Variants in SLC35B3 observed in about 807,000 individuals in gnomAD.
The protein encoded by SLC35B3 is adenosine 3'-phospho 5'-phosphosulfate transporter 2.
Under a neutral mutation model 44.1 loss-of-function variants are expected in SLC35B3, and 35 were observed. That is an observed-to-expected ratio of 0.79 (90% CI 0.61 to 1.05). SLC35B3 has a LOEUF of 1.05. Ranked by LOEUF, SLC35B3 falls within the 50% of genes least tolerant of loss-of-function variation. The probability of loss-of-function intolerance (pLI) is 0.00; values close to 1 mark genes in which losing one functional copy is unlikely to be tolerated. For synonymous variants in SLC35B3, 146 were observed against 167.3 expected (o/e 0.87, Z 0.98); for missense variants, 414 against 476.4 (o/e 0.87, Z 1.22).
At position 8,413,678 on chromosome 6, in the gene SLC35B3, T is replaced by C. The variant is rs1561742478; in HGVS notation, c.1077A>G (p.Leu359=). 3 of 1,564,372 alleles carry C rather than the reference T, an allele frequency of 1.9e-6. No homozygotes were observed. The highest frequency in any genetic ancestry group is 2.6e-6 in the Non-Finnish European group (3 of 1,144,324). ...CATTAAGAAATATACCAAGGACAAC[T>C]AACAAACCAGACCATACATACCTAA... Residue 359 remains leucine (L), a synonymous_variant, in exon 11 of 11, where the codon TTA becomes TTG. Transcript: ENST00000644923.
rs1322805995 is a variant in SLC35B3 at position 8,433,561 on chromosome 6, A to G, written c.3+824T>C. ...ACCACTTCTAATACACTTCTTGGCA[A>G]CTTTATGTGCTGCAGATCTAGGCCA... is the stretch of plus-strand genomic sequence containing the variant. On this transcript the variant is annotated intron_variant, in intron 2 of 10. Transcript: ENST00000644923. This position sits in a 1 kb window ranked among gnomAD's most constrained non-coding sequence, Gnocchi z 4.1. Among the ~76,000 whole-genome samples the G allele has an allele frequency of 6.6e-6, 1 of 152,178 alleles. No homozygotes were observed. Among genetic ancestry groups the G allele is most frequent in the African/African-American group, 2.4e-5 (1 of 41,426 alleles).
intron 9 of SLC35B3, among the ~76,000 whole-genome samples, chr6:8,416,351 C>T (rs1460081945): frequency 1.3e-5 from 2 of 152,112 alleles, no homozygotes; most frequent in Non-Finnish European, 2.9e-5. Flanking sequence ...AGGCTATACA[C>T]TCCTCCAAAG....
chr6:8,425,145 A>G (rs753784281), intron 4 of SLC35B3, among the ~76,000 whole-genome samples: 9 of 152,238 alleles, frequency 5.9e-5, no homozygotes, highest in Non-Finnish European at 7.3e-5. Flanking sequence ...TGGGATAAAC[A>G]TGGCTTGAGG....
chr6:8,427,900 A>AG lies in SLC35B3; in HGVS notation c.419+36_419+37insC. On this transcript the variant is annotated intron_variant, in intron 4 of 10. Coordinates refer to ENST00000644923, the MANE Select transcript of SLC35B3 (RefSeq NM_001370476.2). The stretch of plus-strand genomic sequence containing the variant: ...TCAGTATGCCAAAAAAATTCAACTA[A>AG]TATAGAAATATCAAAAAATAAAAAC... 4 of 1,480,896 alleles carry AG rather than the reference A, an allele frequency of 2.7e-6. No homozygotes were observed. In the African/African-American group the frequency reaches 6.1e-5, roughly 23 times the overall value. The allele number at this position is 1,480,896 out of a possible 1,614,324, so 91.7% of individuals were successfully genotyped here.
intron 4 of SLC35B3, among the ~76,000 whole-genome samples, chr6:8,427,070 C>T (rs1357253489): frequency 6.7e-6 from 1 of 148,600 alleles, no homozygotes; most frequent in African/African-American, 2.4e-5. Context: ...AGCAGCAAAG[C>T]CTTCAAAAGG....
At chr6:8,421,984 G>C (rs988789629) in intron 5 of SLC35B3, among the ~76,000 whole-genome samples, 7 of 144,978 alleles carry the variant, frequency 4.8e-5, no homozygotes, top group African/African-American at 1.7e-4. Context: ...AGAAACTAAG[G>C]CATATAAGTG....
chr6:8,420,794 G>A lies in SLC35B3; in HGVS notation c.609C>T (p.Ala203=). The A allele has an allele frequency of 6.2e-7, 1 of 1,612,402 alleles. No individual in the cohort carries two copies. The highest frequency in any genetic ancestry group is 8.5e-7 in the Non-Finnish European group (1 of 1,178,800). The change falls in exon 6 of 11, where the codon GCC becomes GCT. Residue 203 remains alanine, a synonymous_variant. Coordinates refer to ENST00000644923, the MANE Select transcript of SLC35B3 (RefSeq NM_001370476.2). This position sits in a 1 kb window ranked among gnomAD's most constrained non-coding sequence, Gnocchi z 4.4. ...ATATCAGGCCAAGGCTCATACATAT[G>A]GCAGCAGACACATCTGCAACATTAT...
Position 8,417,394 on chromosome 6 carries a change from G to T in SLC35B3, c.873+8C>A. On this transcript the variant is annotated splice_region_variant and intron_variant, in intron 8 of 10. Transcript: ENST00000644923. ...AGATTTTTTTTTTTAAATGTGATTA[G>T]TGTTTACCTTTGCACAAAATGTTAC... 6.6e-7 allele frequency: 1 copy of T among 1,522,758 alleles called. No homozygotes were observed. Among genetic ancestry groups the T allele is most frequent in the Non-Finnish European group, 9.0e-7 (1 of 1,112,808 alleles). 94.3% of individuals were successfully genotyped at this position (1,522,758 alleles called of 1,614,324 possible). A position where few individuals can be genotyped will look rare whatever the true frequency, so the allele number is the denominator to read the frequency against.
In SLC35B3 at chr6:8,433,198, T is replaced by C. The variant is rs1427872019; in HGVS notation, c.3+1187A>G. 6.6e-6 allele frequency among the ~76,000 whole-genome samples: 1 copy of C among 152,216 alleles called. No homozygotes were observed. Among genetic ancestry groups the C allele is most frequent in the African/African-American group, 2.4e-5 (1 of 41,456 alleles). The stretch of plus-strand genomic sequence containing the variant: ...CTCTTGCCTAGATTACGAGACTGTT[T>C]ATAATCAATTCTTCCCTTTCTGACC... On this transcript the variant is annotated intron_variant, in intron 2 of 10. Transcript: ENST00000644923. This position sits in a 1 kb window ranked among gnomAD's most constrained non-coding sequence, Gnocchi z 4.1.
chr6:8,421,955 A>G (rs1284615256), intron 5 of SLC35B3, among the ~76,000 whole-genome samples: 1 of 152,144 alleles, frequency 6.6e-6, no homozygotes, highest in Non-Finnish European at 1.5e-5. Context: ...CTTTTTCTTA[A>G]GTCCAAATTA....
intron 3 of SLC35B3, 141 bp from the exon 3 acceptor site, chr6:8,428,199 G>C: frequency 1.4e-6 from 1 of 716,342 alleles, no homozygotes; most frequent in South Asian, 4.7e-5. Flanking sequence ...GAGGTTAGAA[G>C]CTCTTTCATA....
intron 4 of SLC35B3, among the ~76,000 whole-genome samples, chr6:8,423,314 T>A (rs1763105408): frequency 6.6e-6 from 1 of 152,222 alleles, no homozygotes; most frequent in Non-Finnish European, 1.5e-5. Context: ...GAAAAGTTCA[T>A]GTGATTTAAA....
At chr6:8,413,767 TTTG>T (rs1298528521) in intron 10 of SLC35B3, 68 bp from the exon 10 acceptor site, 2 of 968,020 alleles carry the variant, frequency 2.1e-6, no homozygotes, top group South Asian at 1.7e-5. Flanking sequence ...AACCACAGAA[TTTG>T]TTAATATGTC....
At position 8,435,343 on chromosome 6, in the gene SLC35B3, C is replaced by T; in HGVS notation, c.-44G>A. On this transcript the variant is annotated splice_region_variant and 5_prime_UTR_variant, in exon 1 of 11. Transcript: ENST00000644923. This position sits in a 1 kb window ranked among gnomAD's most constrained non-coding sequence, Gnocchi z 5.5. The stretch of plus-strand genomic sequence containing the variant: ...GGAAAGGCCCCGAAGGCACGCGTAC[C>T]CCAAGGCCGGTATGTCACCCGGAAG... The T allele has an allele frequency of 3.1e-6, 4 of 1,289,250 alleles. No homozygotes were observed. The highest frequency in any genetic ancestry group is 4.0e-6 in the Non-Finnish European group (4 of 988,866). The allele number at this position is 1,289,250 out of a possible 1,614,324, so 79.9% of individuals were successfully genotyped here. A position where few individuals can be genotyped will look rare whatever the true frequency, so the allele number is the denominator to read the frequency against.
chr6:8,431,954 CATG>C (rs1182535871), intron 2 of SLC35B3, among the ~76,000 whole-genome samples: 2 of 147,068 alleles, frequency 1.4e-5, no homozygotes, highest in Admixed American at 1.4e-4. Flanking sequence ...GCCTTCTGTT[CATG>C]ATGTCCTTTC....
intron 9 of SLC35B3, 152 bp from the exon 9 acceptor site, chr6:8,415,129 A>G (rs1762302694): frequency 8.0e-6 from 4 of 498,436 alleles, no homozygotes; most frequent in African/African-American, 5.8e-5. Context: ...CCAACCAAAC[A>G]CACGCACAAA....
Position 8,420,420 on chromosome 6 carries a change from ATAACG to A in SLC35B3, c.682+296_682+300del, listed in dbSNP as rs143268095. On this transcript the variant is annotated intron_variant, in intron 6 of 10. Transcript: ENST00000644923. This position sits in a 1 kb window ranked among gnomAD's most constrained non-coding sequence, Gnocchi z 4.4. ...ATTATTTGTTCATATTCATTTTTGA[ATAACG>A]TAATACTGAGTTACGACATAATTAT... 6.8e-3 allele frequency among the ~76,000 whole-genome samples: 1,032 copies of A among 152,326 alleles called. 7 individuals are homozygous for A. Among genetic ancestry groups the A allele is most frequent in the African/African-American group, 0.024 (995 of 41,572 alleles).
In SLC35B3 at chr6:8,411,465, A is replaced by G. The variant is rs773656663; in HGVS notation, c.*2084T>C. Among the ~76,000 whole-genome samples the G allele has an allele frequency of 6.6e-6, 1 of 152,254 alleles. No individual in the cohort carries two copies. Among genetic ancestry groups the G allele is most frequent in the African/African-American group, 2.4e-5 (1 of 41,472 alleles). On this transcript the variant is annotated 3_prime_UTR_variant, in exon 11 of 11. Coordinates refer to ENST00000644923, the MANE Select transcript of SLC35B3 (RefSeq NM_001370476.2). The stretch of plus-strand genomic sequence containing the variant: ...CTTTGATAAGTCAAATTTATATTTT[A>G]TCAAAGATTTGAGAAAGTTGACAAG...
At chr6:8,427,032 TTAGTGTA>T (rs1309789872) in intron 4 of SLC35B3, among the ~76,000 whole-genome samples, 2 of 152,130 alleles carry the variant, frequency 1.3e-5, no homozygotes, top group Admixed American at 6.5e-5. Flanking sequence ...TTGAGATGAT[TTAGTGTA>T]TCTGGTGGAA....
Sources: allele counts gnomAD v4.1 joint callset (sites outside exome capture counted in the v4.1 genomes callset), GRCh38; gene constraint gnomAD v4.1.1; non-coding constraint Gnocchi (gnomAD v3.1); transcripts MANE v1.5; gene names NCBI Gene and HGNC (gene_info 2026-07-23, HGNC 2026-07-21).